ENPP6: variants seen among roughly 807,000 people sequenced by gnomAD.
ENPP6 encodes ectonucleotide pyrophosphatase/phosphodiesterase 6.
Under a neutral mutation model 42.0 loss-of-function variants are expected in ENPP6, and 32 were observed. That is an observed-to-expected ratio of 0.76 (90% CI 0.58 to 1.02). The LOEUF is 1.02. Among genes scored for constraint, ENPP6 ranks in the 50% least tolerant of loss-of-function variants. The pLI is 0.00. For synonymous variants in ENPP6, 213 were observed against 216.0 expected (o/e 0.99, Z 0.12); for missense variants, 552 against 566.8 (o/e 0.97, Z 0.27).
intron 2 of ENPP6, among the ~76,000 whole-genome samples, chr4:184,133,115 T>C (rs561647263): frequency 6.6e-6 from 1 of 151,640 alleles, no homozygotes; most frequent in African/African-American, 2.4e-5. Context: ...GTTTCAGCTA[T>C]TCTGGAGTCT....
At position 184,198,357 on chromosome 4, in the gene ENPP6, G is replaced by A. The variant is rs1732838276; in HGVS notation, c.241+19222C>T. On this transcript the variant is annotated intron_variant, in intron 1 of 7. Transcript: ENST00000296741. ...GAGGGAGTGTAGACCAACAGTAGTGGGGATTACTGCAAGGACAGGTCTTGC... is the reference window on the plus strand; with the variant it reads ...GAGGGAGTGTAGACCAACAGTAGTGAGGATTACTGCAAGGACAGGTCTTGC... Among the ~76,000 whole-genome samples the A allele has an allele frequency of 2.0e-5, 3 of 152,230 alleles. No homozygotes were observed. In the South Asian group the frequency reaches 6.2e-4, roughly 32 times the overall value.
At chr4:184,183,710 C>T (rs770752385) in intron 1 of ENPP6, among the ~76,000 whole-genome samples, 37 of 152,322 alleles carry the variant, frequency 2.4e-4, no homozygotes, top group Non-Finnish European at 4.7e-4. Flanking sequence ...ACCAAACATG[C>T]ATATCAATAA....
At chr4:184,194,299 C>T (rs1420065098) in intron 1 of ENPP6, among the ~76,000 whole-genome samples, 2 of 152,210 alleles carry the variant, frequency 1.3e-5, no homozygotes, top group Admixed American at 1.3e-4. Flanking sequence ...TTTCTCCCTG[C>T]GTGCTCCCCC....
chr4:184,217,694 C>T lies in ENPP6; in HGVS notation c.126G>A (p.Glu42=). ...TGAAACCAGGCAATGACTCCAGCGCCTCATCACTGATGTAGTCTGAGCGAA... is the reference window on the plus strand; with the variant it reads ...TGAAACCAGGCAATGACTCCAGCGCTTCATCACTGATGTAGTCTGAGCGAA... The part of the protein sequence containing the change: ...DGFRSDYISD[E]ALESLPGFKE... Residue 42 remains glutamate (E), a synonymous_variant, in exon 1 of 8, where the codon GAG becomes GAA. Coordinates refer to ENST00000296741, the MANE Select transcript of ENPP6 (RefSeq NM_153343.4). The T allele has an allele frequency of 6.2e-7, 1 of 1,614,222 alleles. No homozygotes were observed. The highest frequency in any genetic ancestry group is 1.7e-5 in the Admixed American group (1 of 60,026).
intron 1 of ENPP6, among the ~76,000 whole-genome samples, chr4:184,163,090 G>A (rs774348074): frequency 6.6e-6 from 1 of 152,170 alleles, no homozygotes; most frequent in Non-Finnish European, 1.5e-5. Context: ...CAGTGCAAGG[G>A]CCAGGGAAAA....
At chr4:184,095,621 T>G (rs578232491) in intron 7 of ENPP6, among the ~76,000 whole-genome samples, 2 of 151,090 alleles carry the variant, frequency 1.3e-5, no homozygotes, top group African/African-American at 4.9e-5. Flanking sequence ...GATGGCACCA[T>G]TGCACTCCAG....
At chr4:184,180,637 C>T (rs547149243) in intron 1 of ENPP6, among the ~76,000 whole-genome samples, 1 of 152,276 alleles carries the variant, frequency 6.6e-6, no homozygotes, top group Admixed American at 6.5e-5. Flanking sequence ...CTGAACTCAG[C>T]AGCACATCAA....
chr4:184,111,503 T>C (rs1020937256), intron 6 of ENPP6, among the ~76,000 whole-genome samples: 3 of 152,188 alleles, frequency 2.0e-5, no homozygotes, highest in African/African-American at 7.2e-5. Context: ...CCTCACACTC[T>C]GTGATGAAGT....
chr4:184,202,855 A>G (rs181494341), intron 1 of ENPP6, among the ~76,000 whole-genome samples: 103 of 152,194 alleles, frequency 6.8e-4, no homozygotes, highest in African/African-American at 2.2e-3. Context: ...TAATATGTAC[A>G]CTCTTACTAA....
chr4:184,112,070 C>T (rs529358514), intron 6 of ENPP6, among the ~76,000 whole-genome samples: 145 of 152,266 alleles, frequency 9.5e-4, no homozygotes, highest in African/African-American at 3.0e-3. Context: ...AAACATGACA[C>T]GACTGCAGAC....
intron 1 of ENPP6, among the ~76,000 whole-genome samples, chr4:184,154,166 T>C (rs1424670654): frequency 6.6e-6 from 1 of 152,244 alleles, no homozygotes; most frequent in Non-Finnish European, 1.5e-5. Context: ...TATTCTTTCC[T>C]TTCTTAAATA....
chr4:184,129,666 A>G (rs1244383581), intron 2 of ENPP6, among the ~76,000 whole-genome samples: 1 of 152,254 alleles, frequency 6.6e-6, no homozygotes, highest in Non-Finnish European at 1.5e-5. Context: ...TATTTATAAA[A>G]CTGAGAAGCA....
At chr4:184,205,552 G>A (rs906255096) in intron 1 of ENPP6, among the ~76,000 whole-genome samples, 1 of 152,260 alleles carries the variant, frequency 6.6e-6, no homozygotes, top group Non-Finnish European at 1.5e-5. Context: ...CTGCAAGAGC[G>A]TTAGATTCCA....
intron 3 of ENPP6, 35 bp from the exon 4 acceptor site, chr4:184,117,935 AG>A (rs749916932): frequency 6.2e-7 from 1 of 1,605,518 alleles, no homozygotes; most frequent in South Asian, 1.1e-5. Flanking sequence ...TAGGTGAGGG[AG>A]GCCCCCGCCA....
chr4:184,120,229 G>T (rs886094562), intron 3 of ENPP6, among the ~76,000 whole-genome samples: 1 of 152,150 alleles, frequency 6.6e-6, no homozygotes, highest in African/African-American at 2.4e-5. Flanking sequence ...ACAGGGAGGA[G>T]GGTCCAGGCC....
chr4:184,094,022 G>A (rs1735855083), intron 7 of ENPP6, among the ~76,000 whole-genome samples: 1 of 152,102 alleles, frequency 6.6e-6, no homozygotes, highest in Non-Finnish European at 1.5e-5. Context: ...GCTCACACCT[G>A]TAATCCAAGC....
intron 1 of ENPP6, among the ~76,000 whole-genome samples, chr4:184,188,229 G>A (rs577744069): frequency 2.6e-5 from 4 of 152,292 alleles, no homozygotes; most frequent in Admixed American, 1.3e-4. Flanking sequence ...TAGAAGTCCT[G>A]TCAGTTTCCG....
At chr4:184,210,707 G>A (rs1733095853) in intron 1 of ENPP6, among the ~76,000 whole-genome samples, 1 of 145,764 alleles carries the variant, frequency 6.9e-6, no homozygotes, top group Non-Finnish European at 1.5e-5. Flanking sequence ...GGATACCCAG[G>A]AATTGAACTC....
chr4:184,114,042 T>G (rs1736273955), intron 5 of ENPP6, among the ~76,000 whole-genome samples: 1 of 151,476 alleles, frequency 6.6e-6, no homozygotes, highest in South Asian at 2.1e-4. Context: ...CTTGGCTCAC[T>G]GCAACCTCCG....
Sources: allele counts gnomAD v4.1 joint callset (sites outside exome capture counted in the v4.1 genomes callset), GRCh38; gene constraint gnomAD v4.1.1; transcripts MANE v1.5; gene names NCBI Gene and HGNC (gene_info 2026-07-23, HGNC 2026-07-21).